SYNE3: variants seen among roughly 807,000 people sequenced by gnomAD.
The protein encoded by SYNE3 is spectrin repeat containing nuclear envelope family member 3, also known as nesprin-3.
In SYNE3, 100 loss-of-function variants were observed where a neutral mutation model predicts 111.2. That is an observed-to-expected ratio of 0.90 (90% CI 0.77 to 1.06). The LOEUF is 1.06. Ranked by LOEUF, SYNE3 falls within the 50% of genes least tolerant of loss-of-function variation. SYNE3 has a pLI of 0.00. For synonymous variants in SYNE3, 547 were observed against 533.9 expected, an observed-to-expected ratio of 1.02 and a Z score of -0.34; for missense variants, 1,160 against 1,240.3, an observed-to-expected ratio of 0.94 and a Z score of 0.97.
intron 4 of SYNE3, among the ~76,000 whole-genome samples, chr14:95,461,463 A>G (rs969083379): frequency 1.3e-5 from 2 of 152,256 alleles, no homozygotes; most frequent in Non-Finnish European, 2.9e-5. Flanking sequence ...CTCTGGGCTT[A>G]GCCTTGGCCC....
At chr14:95,479,743 C>T (rs74080285) in intron 1 of SYNE3, among the ~76,000 whole-genome samples, 15,882 of 152,100 alleles carry the variant, frequency 0.1, 1,862 homozygotes, top group African/African-American at 0.29. Context: ...ACAGGGGCCA[C>T]GGGACCTCAA....
At chr14:95,458,140 G>A (rs764404836) in intron 4 of SYNE3, among the ~76,000 whole-genome samples, 2 of 152,174 alleles carry the variant, frequency 1.3e-5, no homozygotes, top group Non-Finnish European at 2.9e-5. Flanking sequence ...CAGAGACTAG[G>A]TTTTTCAAAA....
chr14:95,464,210 C>T (rs1005806535), intron 4 of SYNE3, among the ~76,000 whole-genome samples: 2 of 152,198 alleles, frequency 1.3e-5, no homozygotes, highest in Admixed American at 6.5e-5. Flanking sequence ...TAACAAACAC[C>T]GTTTCAATGC....
chr14:95,424,247 G>A lies in SYNE3; in HGVS notation c.2728-6221C>T, dbSNP rs115574099. The stretch of plus-strand genomic sequence containing the variant: ...AGATGCCAAGGAGAAAATGACCCAA[G>A]AGACAGTGCATAAACCAGAGGCCTG... On this transcript the variant is annotated intron_variant, in intron 17 of 17. Transcript: ENST00000682763. Among the ~76,000 whole-genome samples, 466 of 152,044 alleles carry A rather than the reference G, an allele frequency of 3.1e-3. 3 individuals are homozygous for A. The highest frequency in any genetic ancestry group is 0.011 in the African/African-American group (455 of 41,426).
At chr14:95,513,680 C>G (rs1021161763) in intron 1 of SYNE3, among the ~76,000 whole-genome samples, 4 of 147,112 alleles carry the variant, frequency 2.7e-5, no homozygotes, top group African/African-American at 5.1e-5. Flanking sequence ...ATGGGAGGGT[C>G]AGGAAACACT....
intron 1 of SYNE3, among the ~76,000 whole-genome samples, chr14:95,492,902 T>C (rs1889916837): frequency 1.3e-5 from 2 of 152,172 alleles, no homozygotes; most frequent in Non-Finnish European, 2.9e-5. Flanking sequence ...AATTGTATAT[T>C]ATATGAATTA....
In SYNE3 at chr14:95,510,761, C is replaced by T. The variant is rs11628970; in HGVS notation, c.-15+5835G>A. Among the ~76,000 whole-genome samples, 806 of 152,208 alleles carry T rather than the reference C, an allele frequency of 5.3e-3. 5 individuals carry two copies. The highest frequency in any genetic ancestry group is 8.0e-3 in the Non-Finnish European group (543 of 68,016). Reference sequence around the variant, plus strand: ...CGAGATTGCACCATTGCACTCCAGCCTGGGCAACAGAGTGAGACTCCGTCT... The same window carrying T: ...CGAGATTGCACCATTGCACTCCAGCTTGGGCAACAGAGTGAGACTCCGTCT... On this transcript the variant is annotated intron_variant, in intron 1 of 17. Transcript: ENST00000682763.
At chr14:95,441,889 A>T (rs1275655576) in intron 11 of SYNE3, among the ~76,000 whole-genome samples, 1 of 152,218 alleles carries the variant, frequency 6.6e-6, no homozygotes, top group East Asian at 1.9e-4. Context: ...TACTAGGTGG[A>T]GTGAGAGGGA....
At chr14:95,493,467 T>A (rs989357881) in intron 1 of SYNE3, among the ~76,000 whole-genome samples, 5 of 152,250 alleles carry the variant, frequency 3.3e-5, no homozygotes, top group African/African-American at 1.2e-4. Context: ...ACTCCGGAGC[T>A]GCAGCTGTCC....
intron 1 of SYNE3, among the ~76,000 whole-genome samples, chr14:95,514,501 G>A (rs753474467): frequency 6.6e-6 from 1 of 152,214 alleles, no homozygotes; most frequent in Non-Finnish European, 1.5e-5. Flanking sequence ...AGGCCCCTTC[G>A]CCTCAAACTG....
chr14:95,507,592 G>A (rs1890574574), intron 1 of SYNE3, among the ~76,000 whole-genome samples: 1 of 152,206 alleles, frequency 6.6e-6, no homozygotes, highest in Non-Finnish European at 1.5e-5. Flanking sequence ...AGATGGAGGT[G>A]GGACAAGAGA....
intron 1 of SYNE3, 58 bp from the exon 2 acceptor site, chr14:95,475,893 A>AC: frequency 7.4e-7 from 1 of 1,343,752 alleles, no homozygotes; most frequent in South Asian, 2.0e-5. Flanking sequence ...CTGCAAAAAG[A>AC]CCCCCGGCAG....
intron 1 of SYNE3, among the ~76,000 whole-genome samples, chr14:95,481,109 T>C (rs1267314468): frequency 1.3e-5 from 2 of 152,198 alleles, no homozygotes; most frequent in African/African-American, 4.8e-5. Context: ...GGAGCGGCTG[T>C]TACCTTCCAC....
At chr14:95,430,324 C>G (rs1885685945) in intron 17 of SYNE3, among the ~76,000 whole-genome samples, 1 of 152,106 alleles carries the variant, frequency 6.6e-6, no homozygotes, top group South Asian at 2.1e-4. Flanking sequence ...TCCCCCGTCT[C>G]CCACCAGGAC....
rs145883053 is a variant in SYNE3, at chr14:95,466,099, C to T, written c.459G>A (p.Leu153=). 21 of 1,613,056 alleles carry T rather than the reference C, an allele frequency of 1.3e-5. No homozygotes were observed. In the African/African-American group the frequency reaches 2.7e-4, roughly 21 times the overall value. The change falls in exon 4 of 18, where the codon CTG becomes CTA. Residue 153 remains leucine, a synonymous_variant. Coordinates refer to ENST00000682763, the MANE Select transcript of SYNE3 (RefSeq NM_152592.6). The part of the protein sequence containing the change: ...QLGLKEKQWQ[L]SHAQVLLHNV... ...TGTGCAGCAGCACCTGGGCGTGGCT[C>T]AGCTGCCACTGCTTCTCCTTCAGGC...
intron 15 of SYNE3, among the ~76,000 whole-genome samples, chr14:95,436,365 C>T (rs113616855): frequency 0.032 from 4,898 of 152,212 alleles, 292 homozygotes; most frequent in African/African-American, 0.11. Context: ...GATGTGTAGT[C>T]CATGTCATTC....
Position 95,416,817 on chromosome 14 carries a change from G to A in SYNE3, c.*1009C>T, listed in dbSNP as rs1228564151. The A allele has an allele frequency of 6.6e-6, 1 of 152,344 alleles. No homozygotes were observed. 9.4% of individuals were successfully genotyped at this position (152,344 alleles called of 1,614,324 possible). The stretch of plus-strand genomic sequence containing the variant: ...ATCCCTGGCCCCTGGCGTGGCAGAT[G>A]CTTCCCTTCTCACCTGCAGCTCGAG... On this transcript the variant is annotated 3_prime_UTR_variant, in exon 18 of 18. Coordinates refer to ENST00000682763, the MANE Select transcript of SYNE3 (RefSeq NM_152592.6).
At chr14:95,480,145 A>C (rs1889141969) in intron 1 of SYNE3, among the ~76,000 whole-genome samples, 1 of 152,232 alleles carries the variant, frequency 6.6e-6, no homozygotes, top group African/African-American at 2.4e-5. Flanking sequence ...GAAGCAAAAA[A>C]AAGTATTTTC....
intron 17 of SYNE3, among the ~76,000 whole-genome samples, chr14:95,421,468 T>C (rs1050691819): frequency 6.6e-6 from 1 of 152,222 alleles, no homozygotes; most frequent in Non-Finnish European, 1.5e-5. Flanking sequence ...GTTCTAACCC[T>C]GACTCTACCA....
Sources: gnomAD v4.1 joint callset for allele counts (sites outside exome capture counted in the v4.1 genomes callset) on GRCh38, gnomAD v4.1.1 for gene constraint, MANE v1.5 for transcripts, NCBI Gene and HGNC (gene_info 2026-07-23, HGNC 2026-07-21) for gene names.